CLVS1: variants seen among roughly 807,000 people sequenced by gnomAD.
CLVS1 encodes the protein clavesin 1.
A neutral mutation model predicts 33.1 loss-of-function variants in CLVS1; 10 were observed. The observed-to-expected ratio is 0.30, with a 90% CI of 0.19 to 0.51. The LOEUF is 0.51. Ranked by LOEUF, CLVS1 falls within the 20% of genes least tolerant of loss-of-function variation. CLVS1 has a pLI of 0.97. For synonymous variants in CLVS1, 163 were observed against 166.1 expected (o/e 0.98, Z 0.14); for missense variants, 343 against 433.4 (o/e 0.79, Z 1.85).
At chr8:61,367,954 C>T (rs963399359) in intron 2 of CLVS1, among the ~76,000 whole-genome samples, 3 of 152,148 alleles carry the variant, frequency 2.0e-5, no homozygotes, top group Non-Finnish European at 4.4e-5. Flanking sequence ...GCAGGTACTT[C>T]AACAGTTTTA....
At chr8:61,258,500 G>T (rs1809132778) in intron 2 of CLVS1, among the ~76,000 whole-genome samples, 3 of 152,136 alleles carry the variant, frequency 2.0e-5, no homozygotes, top group African/African-American at 7.2e-5. Flanking sequence ...TACTAATAAA[G>T]GCAGCCCAGT....
At chr8:61,495,730 T>C (rs1362090398) in intron 5 of CLVS1, among the ~76,000 whole-genome samples, 1 of 152,216 alleles carries the variant, frequency 6.6e-6, no homozygotes, top group African/African-American at 2.4e-5. Context: ...CCAGAAAGGC[T>C]AATGCAACTC....
chr8:60,995,706 C>T, the CLVS1 span, among the ~76,000 whole-genome samples: 539 of 152,130 alleles, frequency 3.5e-3, 23 homozygotes, highest in East Asian at 0.09. Context: ...TAAAGACACA[C>T]GCACACGTAT....
chr8:61,376,227 A>G (rs1813634938), intron 2 of CLVS1, among the ~76,000 whole-genome samples: 1 of 152,216 alleles, frequency 6.6e-6, no homozygotes. Context: ...GGAAACAACT[A>G]TGATTATGGC....
At chr8:61,451,696 T>C (rs1000826316) in intron 3 of CLVS1, among the ~76,000 whole-genome samples, 7 of 152,004 alleles carry the variant, frequency 4.6e-5, no homozygotes, top group African/African-American at 1.7e-4. Context: ...TTGTCTGCAG[T>C]TGGCGGATGT....
intron 5 of CLVS1, among the ~76,000 whole-genome samples, chr8:61,459,402 T>A (rs116875799): frequency 0.031 from 4,657 of 152,254 alleles, 96 homozygotes; most frequent in Middle Eastern, 0.071. Flanking sequence ...TTCAGTTACA[T>A]GGGTGAGCTC....
intron 3 of CLVS1, among the ~76,000 whole-genome samples, chr8:61,406,362 C>A (rs1048166109): frequency 6.6e-6 from 1 of 152,170 alleles, no homozygotes; most frequent in Admixed American, 6.5e-5. Context: ...AAAATAAGTT[C>A]ATGACCCATT....
chr8:61,359,982 C>G (rs1383778991), intron 2 of CLVS1, among the ~76,000 whole-genome samples: 1 of 152,146 alleles, frequency 6.6e-6, no homozygotes, highest in East Asian at 1.9e-4. Flanking sequence ...CGGCATGGCC[C>G]TGCACTGAAC....
chr8:61,015,628 C>T, the CLVS1 span, among the ~76,000 whole-genome samples: 5 of 152,250 alleles, frequency 3.3e-5, no homozygotes, highest in African/African-American at 7.2e-5. Context: ...CCTGAACACA[C>T]GTGGGAGAAA....
intron 2 of CLVS1, among the ~76,000 whole-genome samples, chr8:61,271,329 G>A (rs1168549243): frequency 2.0e-5 from 3 of 151,184 alleles, no homozygotes; most frequent in African/African-American, 4.9e-5. Context: ...GCGGTTTTGA[G>A]TGAGATTCTT....
At chr8:61,420,322 G>T (rs148419113) in intron 3 of CLVS1, among the ~76,000 whole-genome samples, 1 of 152,184 alleles carries the variant, frequency 6.6e-6, no homozygotes, top group African/African-American at 2.4e-5. Context: ...ATTGTTGGCC[G>T]GGTGCGGTGG....
intron 5 of CLVS1, among the ~76,000 whole-genome samples, chr8:61,486,500 G>A (rs1803887722): frequency 1.3e-5 from 2 of 152,196 alleles, no homozygotes; most frequent in South Asian, 4.1e-4. Flanking sequence ...TTGAACCAAT[G>A]TAAAACAATG....
chr8:61,244,358 TA>T (rs1403842754), intron 2 of CLVS1, among the ~76,000 whole-genome samples: 3 of 152,222 alleles, frequency 2.0e-5, no homozygotes, highest in African/African-American at 7.2e-5. Context: ...ATACTCTCCA[TA>T]AAAAAATTAT....
chr8:61,363,230 G>A (rs905211090), intron 2 of CLVS1, among the ~76,000 whole-genome samples: 1 of 152,160 alleles, frequency 6.6e-6, no homozygotes, highest in Admixed American at 6.5e-5. Flanking sequence ...TCCTTCTCCA[G>A]CAAAATCCTA....
chr8:61,362,625 C>A (rs1813035649), intron 2 of CLVS1, among the ~76,000 whole-genome samples: 1 of 152,140 alleles, frequency 6.6e-6, no homozygotes, highest in Admixed American at 6.5e-5. Flanking sequence ...TTCTGAAAAC[C>A]AGTAATGAAG....
intron 3 of CLVS1, among the ~76,000 whole-genome samples, chr8:61,412,458 A>C (rs187450359): frequency 1.5e-4 from 23 of 152,336 alleles, no homozygotes; most frequent in Admixed American, 1.5e-3. Flanking sequence ...CTCAGAAAAT[A>C]GGTTGAATTA....
upstream of CLVS1, among the ~76,000 whole-genome samples, chr8:61,283,763 T>C (rs1470468029): frequency 6.6e-6 from 1 of 152,176 alleles, no homozygotes; most frequent in Non-Finnish European, 1.5e-5. Flanking sequence ...TATTTATTAT[T>C]GAAGCACAGC....
intron 5 of CLVS1, among the ~76,000 whole-genome samples, chr8:61,474,322 G>T (rs958038248): frequency 6.6e-6 from 1 of 152,180 alleles, no homozygotes; most frequent in Non-Finnish European, 1.5e-5. Context: ...TGACTTGAAA[G>T]TCATAGGAAG....
At chr8:61,404,025 A>G (rs968527687) in intron 3 of CLVS1, among the ~76,000 whole-genome samples, 2 of 152,218 alleles carry the variant, frequency 1.3e-5, no homozygotes, top group African/African-American at 4.8e-5. Flanking sequence ...GACCCATAGA[A>G]TGGGAATAAG....
Sources: gnomAD v4.1 joint callset for allele counts (sites outside exome capture counted in the v4.1 genomes callset) on GRCh38, gnomAD v4.1.1 for gene constraint, MANE v1.5 for transcripts, NCBI Gene and HGNC (gene_info 2026-07-23, HGNC 2026-07-21) for gene names.